The following MTMR4 variants were observed in gnomAD, a reference collection of about 807,000 sequenced individuals.
MTMR4 encodes myotubularin related protein 4, also known as phosphatidylinositol-3,5-bisphosphate 3-phosphatase MTMR4.
Under a neutral mutation model 125.5 loss-of-function variants are expected in MTMR4, and 30 were observed. The ratio of observed to expected loss-of-function variants is 0.24; its 90% CI spans 0.18 to 0.32. The LOEUF is 0.32. Ranked by LOEUF, MTMR4 falls within the 10% of genes least tolerant of loss-of-function variation. MTMR4 has a pLI of 1.00. For missense variants in MTMR4, 1,039 were observed against 1,511.5 expected, an observed-to-expected ratio of 0.69 and a Z score of 5.18; for synonymous variants, 498 against 564.5, an observed-to-expected ratio of 0.88 and a Z score of 1.67.
At chr17:58,507,068 A>G (rs996946899) in intron 8 of MTMR4, 55 bp downstream of exon 8, 15 of 1,605,042 alleles carry the variant, frequency 9.3e-6, no homozygotes, top group African/African-American at 6.7e-5. Context: ...CTGGGAGCCA[A>G]TGAAGCCAAG....
At chr17:58,511,547 C>G in intron 3 of MTMR4, 36 bp from the exon 4 acceptor site, 2 of 1,548,298 alleles carry the variant, frequency 1.3e-6, no homozygotes, top group Non-Finnish European at 1.8e-6. Context: ...TCAGACTCCC[C>G]ACTGGGTACC....
intron 10 of MTMR4, 98 bp downstream of exon 10, chr17:58,505,373 CT>C: frequency 9.4e-7 from 1 of 1,058,974 alleles, no homozygotes; most frequent in Non-Finnish European, 1.4e-6. Flanking sequence ...CTCAGGTCTC[CT>C]GCTCTCCAAA....
chr17:58,495,915 T>C lies in MTMR4; in HGVS notation c.2269A>G (p.Arg757Gly), dbSNP rs1975452826. 1.2e-6 allele frequency: 2 copies of C among 1,614,222 alleles called. No individual in the cohort carries two copies. Among genetic ancestry groups the C allele is most frequent in the African/African-American group, 1.3e-5 (1 of 75,060 alleles). The change falls in exon 15 of 18, where the codon AGG (arginine) becomes GGG (glycine). Residue 757 changes from arginine (R) to glycine (G), a missense_variant. Physicochemically the swap from Arg to Gly is moderately radical, Grantham distance 125 (BLOSUM62 -2). Transcript: ENST00000682306. ...GGCTCCCCTATGCCATCTAAAGTCC[T>C]ACCCAGCTCATCCTGGGCAGAAGGG... ...PDPSAQDELG[R>G]TLDGIGEPPE... is the part of the protein sequence containing the mutation.
intron 15 of MTMR4, among the ~76,000 whole-genome samples, chr17:58,494,588 C>T (rs1038393853): frequency 9.9e-5 from 15 of 152,088 alleles, no homozygotes; most frequent in African/African-American, 2.9e-4. Context: ...CTTTTTAAGC[C>T]ATATCATTGG....
At position 58,492,606 on chromosome 17, in the gene MTMR4, G is replaced by C. The variant is rs761008883; in HGVS notation, c.3364-7C>G. 1 of 1,613,368 alleles carries C rather than the reference G, an allele frequency of 6.2e-7. No individual in the cohort carries two copies. The highest frequency in any genetic ancestry group is 8.5e-7 in the Non-Finnish European group (1 of 1,179,670). ...CTGGAACCCAGCGAGTCACCTAATA[G>C]AAGGCACAAAGAAAAATTCCTGGTC... is the stretch of plus-strand genomic sequence containing the variant. On this transcript the variant is annotated splice_polypyrimidine_tract_variant and splice_region_variant and intron_variant, in intron 16 of 17. Coordinates refer to ENST00000682306, the MANE Select transcript of MTMR4 (RefSeq NM_001378067.1).
At chr17:58,513,813 G>A (rs962732993) in intron 1 of MTMR4, among the ~76,000 whole-genome samples, 3 of 152,046 alleles carry the variant, frequency 2.0e-5, no homozygotes, top group Non-Finnish European at 4.4e-5. Flanking sequence ...GGGAGGACCG[G>A]GAATGATGCA....
upstream of MTMR4, chr17:58,516,458 A>T: frequency 9.9e-7 from 1 of 1,014,120 alleles, no homozygotes; most frequent in East Asian, 2.4e-5. Flanking sequence ...GCAGATGAAC[A>T]TGTTTAGGAG....
At position 58,514,522 on chromosome 17, in the gene MTMR4, C is replaced by T. The variant is rs1001460008; in HGVS notation, c.-115G>A. ...GCTCGCCAGGTGCAGCCGCGGCGGC[C>T]AAGAGGCTAGGGCGCTGGTGGCCGG... On this transcript the variant is annotated 5_prime_UTR_variant, in exon 1 of 18. Coordinates refer to ENST00000682306, the MANE Select transcript of MTMR4 (RefSeq NM_001378067.1). 54 of 985,016 alleles carry T rather than the reference C, an allele frequency of 5.5e-5. No individual in the cohort carries two copies. Among genetic ancestry groups the T allele is most frequent in the Non-Finnish European group, 6.1e-5 (51 of 829,886 alleles). 61.0% of individuals were successfully genotyped at this position (985,016 alleles called of 1,614,324 possible).
intron 4 of MTMR4, among the ~76,000 whole-genome samples, chr17:58,509,086 G>A (rs1365123053): frequency 6.6e-6 from 1 of 152,104 alleles, no homozygotes; most frequent in African/African-American, 2.4e-5. Context: ...CTCTCGAATG[G>A]GGCGCTACTG....
In MTMR4 at chr17:58,504,626, C is replaced by A; in HGVS notation, c.1342-138G>T. 1 of 1,341,576 alleles carries A rather than the reference C, an allele frequency of 7.5e-7. No homozygotes were observed. The highest frequency in any genetic ancestry group is 1.0e-6 in the Non-Finnish European group (1 of 984,380). 83.1% of individuals were successfully genotyped at this position (1,341,576 alleles called of 1,614,324 possible). Reference sequence around the variant, plus strand: ...GGACCTAGAAGAGGACTCAAAGCCACCAATTTTCCAAGCCTTTGGGAGTTG... The same window carrying A: ...GGACCTAGAAGAGGACTCAAAGCCAACAATTTTCCAAGCCTTTGGGAGTTG... On this transcript the variant is annotated intron_variant, in intron 11 of 17. Coordinates refer to ENST00000682306, the MANE Select transcript of MTMR4 (RefSeq NM_001378067.1). The surrounding 1 kb of genome is among the most constrained non-coding windows in gnomAD (Gnocchi z 7.1).
rs1274824452 is a variant in MTMR4, at chr17:58,492,395, T to TCCTCA, written c.3452+111_3452+115dup. 8.1e-5 allele frequency: 68 copies of TCCTCA among 835,812 alleles called. No individual in the cohort carries two copies. The Middle Eastern group carries it at 1.6e-3, about 20-fold the overall frequency. 51.8% of individuals were successfully genotyped at this position (835,812 alleles called of 1,614,324 possible). A position where few individuals can be genotyped will look rare whatever the true frequency, so the allele number is the denominator to read the frequency against. On this transcript the variant is annotated intron_variant, in intron 17 of 17. Transcript: ENST00000682306. ...CATGTTGGCCAGGATGGTCTCAATCTCCTCACCTCATGATCCGCCTGCCTC... is the reference window on the plus strand; with the variant it reads ...CATGTTGGCCAGGATGGTCTCAATCTCCTCACCTCACCTCATGATCCGCCTGCCTC...
chr17:58,499,923 C>T (rs1449425533), intron 14 of MTMR4, among the ~76,000 whole-genome samples: 2 of 151,922 alleles, frequency 1.3e-5, no homozygotes, highest in Non-Finnish European at 2.9e-5. Flanking sequence ...AGCCACCACG[C>T]CCAGCCATTT....
rs996253135 is a variant in MTMR4, at chr17:58,499,631, T to G, written c.1854-3301A>C. Among the ~76,000 whole-genome samples the G allele has an allele frequency of 6.6e-5, 10 of 151,890 alleles. 1 individual carries two copies. Among genetic ancestry groups the G allele is most frequent in the African/African-American group, 2.4e-4 (10 of 41,354 alleles). On this transcript the variant is annotated intron_variant, in intron 14 of 17. Coordinates refer to ENST00000682306, the MANE Select transcript of MTMR4 (RefSeq NM_001378067.1). ...TTTATTTCATTCATTTGTCCAGTTTTTTTTTTTTTTGAGACAGTCTCACTC... is the reference window on the plus strand; with the variant it reads ...TTTATTTCATTCATTTGTCCAGTTTGTTTTTTTTTTGAGACAGTCTCACTC...
chr17:58,504,722 A>G lies in MTMR4; in HGVS notation c.1341+57T>C. 6.5e-7 allele frequency: 1 copy of G among 1,541,714 alleles called. No individual in the cohort carries two copies. Among genetic ancestry groups the G allele is most frequent in the Non-Finnish European group, 8.8e-7 (1 of 1,134,966 alleles). The stretch of plus-strand genomic sequence containing the variant: ...TCCCCAGGACAGATCCAGAGGGCTC[A>G]ACACCTTCCCTCCTGCCACATTCCT... On this transcript the variant is annotated intron_variant, in intron 11 of 17. Transcript: ENST00000682306. The surrounding 1 kb of genome is among the most constrained non-coding windows in gnomAD (Gnocchi z 7.1).
intron 7 of MTMR4, 173 bp downstream of exon 7, chr17:58,507,988 A>C: frequency 1.8e-6 from 1 of 558,922 alleles, no homozygotes. Context: ...TAAACTCCCT[A>C]ATAGCCTTAT....
intron 4 of MTMR4, among the ~76,000 whole-genome samples, chr17:58,509,137 C>T (rs934239104): frequency 5.9e-5 from 9 of 152,060 alleles, no homozygotes; most frequent in Non-Finnish European, 7.3e-5. Flanking sequence ...TGGCCCTGAA[C>T]GTCTGCACTC....
In MTMR4 at chr17:58,496,021, G is replaced by C. The variant is rs748294907; in HGVS notation, c.2163C>G (p.Thr721=). The C allele has an allele frequency of 1.2e-6, 2 of 1,613,890 alleles. No homozygotes were observed. Among genetic ancestry groups the C allele is most frequent in the African/African-American group, 2.7e-5 (2 of 74,880 alleles). The change falls in exon 15 of 18, where the codon ACC becomes ACG. Residue 721 remains threonine (T), a synonymous_variant. Coordinates refer to ENST00000682306, the MANE Select transcript of MTMR4 (RefSeq NM_001378067.1). ...SCSPSYKLLN[T]AVPREMKSNT... Reference sequence around the variant, plus strand: ...TGCTCTTCATTTCCCGAGGCACTGCGGTATTAAGCAGTTTGTAACTTGGAG... The same window carrying C: ...TGCTCTTCATTTCCCGAGGCACTGCCGTATTAAGCAGTTTGTAACTTGGAG...
intron 8 of MTMR4, 61 bp downstream of exon 8, chr17:58,507,062 G>A (rs899734025): frequency 1.5e-4 from 247 of 1,601,182 alleles, no homozygotes; most frequent in Non-Finnish European, 2.1e-4. Flanking sequence ...GACTCCCTGG[G>A]AGCCAATGAA....
At position 58,514,585 on chromosome 17, in the gene MTMR4, C is replaced by G; in HGVS notation, c.-178G>C. Reference sequence around the variant, plus strand: ...CTCCCGCGCGCCTCTCCCCTCCTCTCCACAATGGAGCGGGCCCAGCTCCGC... The same window carrying G: ...CTCCCGCGCGCCTCTCCCCTCCTCTGCACAATGGAGCGGGCCCAGCTCCGC... On this transcript the variant is annotated 5_prime_UTR_variant, in exon 1 of 18. Coordinates refer to ENST00000682306, the MANE Select transcript of MTMR4 (RefSeq NM_001378067.1). 1.0e-6 allele frequency: 1 copy of G among 985,292 alleles called. No homozygotes were observed. The highest frequency in any genetic ancestry group is 1.2e-6 in the Non-Finnish European group (1 of 829,918). 61.0% of individuals were successfully genotyped at this position (985,292 alleles called of 1,614,324 possible). A position where few individuals can be genotyped will look rare whatever the true frequency, so the allele number is the denominator to read the frequency against.
Sources: allele counts gnomAD v4.1 joint callset (sites outside exome capture counted in the v4.1 genomes callset), GRCh38; gene constraint gnomAD v4.1.1; non-coding constraint Gnocchi (gnomAD v3.1); transcripts MANE v1.5; gene names NCBI Gene and HGNC (gene_info 2026-07-23, HGNC 2026-07-21).